MAP3K5: variants seen among roughly 807,000 people sequenced by gnomAD.
MAP3K5 encodes ASK-1.
Under a neutral mutation model 158.7 loss-of-function variants are expected in MAP3K5, and 56 were observed. The ratio of observed to expected loss-of-function variants is 0.35; its 90% confidence interval spans 0.28 to 0.44. The LOEUF is 0.44. MAP3K5 is among the 20% of genes least tolerant of loss of function. The pLI is 1.00. For missense variants in MAP3K5, 1,294 were observed against 1,674.8 expected (o/e 0.77, Z 3.97); for synonymous variants, 579 against 601.7 (o/e 0.96, Z 0.55).
At chr6:136,639,202 A>G (rs951470690) in intron 13 of MAP3K5, among the ~76,000 whole-genome samples, 14 of 152,260 alleles carry the variant, frequency 9.2e-5, no homozygotes, top group African/African-American at 3.4e-4. Context: ...TAATACTGAG[A>G]CGATTTAAAA....
At chr6:136,621,247 A>T (rs1012051294) in intron 15 of MAP3K5, among the ~76,000 whole-genome samples, 3 of 151,952 alleles carry the variant, frequency 2.0e-5, no homozygotes, top group Admixed American at 1.3e-4. Flanking sequence ...CTTCACTTCT[A>T]TTACTGTTTT....
intron 1 of MAP3K5, among the ~76,000 whole-genome samples, chr6:136,736,496 G>C (rs1782467808): frequency 6.6e-6 from 1 of 152,132 alleles, no homozygotes; most frequent in Admixed American, 6.5e-5. Context: ...ATTTAAGGGG[G>C]TTTGAGACTT....
At position 136,611,396 on chromosome 6, in the gene MAP3K5, C is replaced by G. The variant is rs369380134; in HGVS notation, c.2416-9G>C. On this transcript the variant is annotated splice_polypyrimidine_tract_variant and intron_variant, in intron 17 of 29. Transcript: ENST00000359015. ...ATCAACACATTGTCACCCTAGAGAA[C>G]AGAGGACTTTAATCACAATTGTTAT... 3.4e-5 allele frequency: 51 copies of G among 1,488,146 alleles called. No individual in the cohort carries two copies. Among genetic ancestry groups the G allele is most frequent in the Admixed American group, 1.2e-4 (7 of 59,404 alleles). 92.2% of individuals were successfully genotyped at this position (1,488,146 alleles called of 1,614,324 possible).
At chr6:136,692,423 G>A (rs1780426831) in intron 7 of MAP3K5, among the ~76,000 whole-genome samples, 1 of 152,130 alleles carries the variant, frequency 6.6e-6, no homozygotes, top group Non-Finnish European at 1.5e-5. Flanking sequence ...GTGATTTCCT[G>A]CTAGAGTTCT....
chr6:136,632,540 G>A (rs1434711154), intron 14 of MAP3K5, among the ~76,000 whole-genome samples: 1 of 152,088 alleles, frequency 6.6e-6, no homozygotes, highest in Non-Finnish European at 1.5e-5. Flanking sequence ...GAGCATCAAA[G>A]GTTTTTAATC....
intron 1 of MAP3K5, among the ~76,000 whole-genome samples, chr6:136,775,499 T>C (rs1784369312): frequency 6.6e-6 from 1 of 152,218 alleles, no homozygotes; most frequent in Admixed American, 6.5e-5. Flanking sequence ...TTTCTTCTTC[T>C]ATGCTCTCAG....
chr6:136,736,668 A>C (rs1332580724), intron 1 of MAP3K5, among the ~76,000 whole-genome samples: 1 of 152,098 alleles, frequency 6.6e-6, no homozygotes, highest in Non-Finnish European at 1.5e-5. Context: ...CTATCAGTAA[A>C]GGAATTCGCA....
chr6:136,787,667 A>G (rs1039317479), intron 1 of MAP3K5, among the ~76,000 whole-genome samples: 6 of 152,212 alleles, frequency 3.9e-5, no homozygotes, highest in Non-Finnish European at 7.3e-5. Flanking sequence ...TCCTAAAAAA[A>G]TGTGTTCAAT....
intron 2 of MAP3K5, among the ~76,000 whole-genome samples, chr6:136,720,084 A>G (rs891935599): frequency 1.3e-5 from 2 of 152,208 alleles, no homozygotes; most frequent in African/African-American, 4.8e-5. Flanking sequence ...TAGGAAGTGT[A>G]CTTTTAGTTG....
Position 136,736,069 on chromosome 6 carries a change from T to C in MAP3K5, c.449-15480A>G, listed in dbSNP as rs528359432. Among the ~76,000 whole-genome samples the C allele has an allele frequency of 2.4e-4, 37 of 152,302 alleles. No homozygotes were observed. The South Asian group carries it at 5.4e-3, about 22-fold the overall frequency. ...TAAATGAAATCCAGTTGCATACTAT[T>C]TATGGGCAGAAATCGTTGCTCATCC... On this transcript the variant is annotated intron_variant, in intron 1 of 29. Transcript: ENST00000359015.
At chr6:136,762,622 G>A (rs1783806980) in intron 1 of MAP3K5, among the ~76,000 whole-genome samples, 1 of 152,192 alleles carries the variant, frequency 6.6e-6, no homozygotes, top group African/African-American at 2.4e-5. Flanking sequence ...ATTAAACAGG[G>A]TAAAGCACCG....
At chr6:136,628,999 C>T (rs1480891094) in intron 14 of MAP3K5, among the ~76,000 whole-genome samples, 1 of 152,306 alleles carries the variant, frequency 6.6e-6, no homozygotes, top group Admixed American at 6.5e-5. Context: ...ATATATTTTG[C>T]ATTCTATTTC....
At chr6:136,707,289 A>G (rs1184529970) in intron 2 of MAP3K5, among the ~76,000 whole-genome samples, 3 of 152,258 alleles carry the variant, frequency 2.0e-5, no homozygotes, top group African/African-American at 7.2e-5. Flanking sequence ...AAGTAAAAAG[A>G]ATGACAGAGA....
chr6:136,711,031 C>T (rs1261130852), intron 2 of MAP3K5, among the ~76,000 whole-genome samples: 1 of 152,178 alleles, frequency 6.6e-6, no homozygotes, highest in African/African-American at 2.4e-5. Flanking sequence ...TTTCTGCACA[C>T]TGCTAAAACA....
chr6:136,571,280 A>G (rs1240426708), intron 25 of MAP3K5, among the ~76,000 whole-genome samples: 1 of 152,148 alleles, frequency 6.6e-6, no homozygotes, highest in African/African-American at 2.4e-5. Context: ...CGTGTACCTT[A>G]TTCTTCTTGG....
chr6:136,695,008 T>A (rs1780541277), intron 6 of MAP3K5, among the ~76,000 whole-genome samples: 1 of 151,966 alleles, frequency 6.6e-6, no homozygotes, highest in South Asian at 2.1e-4. Flanking sequence ...CTGTAAAGAC[T>A]GAAAGTAGAT....
intron 28 of MAP3K5, among the ~76,000 whole-genome samples, chr6:136,560,394 T>C (rs1583181794): frequency 6.6e-6 from 1 of 152,026 alleles, no homozygotes; most frequent in Non-Finnish European, 1.5e-5. Flanking sequence ...GCAGGGAATC[T>C]CTCGAGCCTG....
At position 136,777,768 on chromosome 6, in the gene MAP3K5, T is replaced by C. The variant is rs1454972187; in HGVS notation, c.448+13942A>G. Among the ~76,000 whole-genome samples, 8 of 151,412 alleles carry C rather than the reference T, an allele frequency of 5.3e-5. No homozygotes were observed. The Admixed American group carries it at 5.3e-4, about 10-fold the overall frequency. ...ATCTACTACATCTGCCTTTATTATC[T>C]AAAGGAACCTGGTTTGTTTATTTTC... On this transcript the variant is annotated intron_variant, in intron 1 of 29. Coordinates refer to ENST00000359015, the MANE Select transcript of MAP3K5 (RefSeq NM_005923.4).
At chr6:136,643,035 T>A (rs747108322) in intron 11 of MAP3K5, among the ~76,000 whole-genome samples, 9 of 152,222 alleles carry the variant, frequency 5.9e-5, no homozygotes, top group Non-Finnish European at 1.2e-4. Context: ...CGGTTCTATT[T>A]CTTTAGAAAC....
Sources: gnomAD v4.1 joint callset for allele counts (sites outside exome capture counted in the v4.1 genomes callset) on GRCh38, gnomAD v4.1.1 for gene constraint, MANE v1.5 for transcripts, NCBI Gene and HGNC (gene_info 2026-07-23, HGNC 2026-07-21) for gene names.